The following ANO6 variants were observed in gnomAD, a reference collection of about 807,000 sequenced individuals.
The protein encoded by ANO6 is anoctamin-6.
In ANO6, 106 loss-of-function variants were observed where a neutral mutation model predicts 117.5. That is an observed-to-expected ratio of 0.90 (90% CI 0.77 to 1.06). The LOEUF (loss-of-function observed/expected upper bound fraction) is 1.06. ANO6 is among the 50% of genes least tolerant of loss of function. The pLI, the probability that ANO6 is intolerant of heterozygous loss-of-function variation, is 0.00. For synonymous variants in ANO6, 367 were observed against 385.1 expected (o/e 0.95, Z 0.55); for missense variants, 955 against 1,121.1 (o/e 0.85, Z 2.12).
chr12:45,225,967 T>C (rs896777324), intron 1 of ANO6, among the ~76,000 whole-genome samples: 2 of 152,252 alleles, frequency 1.3e-5, no homozygotes, highest in Non-Finnish European at 1.5e-5. Flanking sequence ...GAAGGAATTT[T>C]ATTCAGCCAA....
chr12:45,280,838 G>A (rs78329901), intron 1 of ANO6, among the ~76,000 whole-genome samples: 2,636 of 151,878 alleles, frequency 0.017, 55 homozygotes, highest in East Asian at 0.085. Context: ...TATACATTGT[G>A]TGCATGTAAA....
intron 3 of ANO6, among the ~76,000 whole-genome samples, chr12:45,345,346 G>T (rs1941100901): frequency 4.6e-5 from 7 of 151,944 alleles, no homozygotes; most frequent in Admixed American, 4.6e-4. Flanking sequence ...CTAGTTTATG[G>T]GATTTTTTTT....
chr12:45,222,180 C>T (rs918305624), intron 1 of ANO6, among the ~76,000 whole-genome samples: 4 of 143,410 alleles, frequency 2.8e-5, no homozygotes, highest in African/African-American at 5.2e-5. Context: ...CACGCCCGGC[C>T]CCCCCACTCC....
At chr12:45,299,389 C>G (rs1048556135) in intron 1 of ANO6, among the ~76,000 whole-genome samples, 5 of 152,226 alleles carry the variant, frequency 3.3e-5, no homozygotes, top group Non-Finnish European at 5.9e-5. Context: ...CTCATCTCAT[C>G]TGTTTTCTGT....
At chr12:45,354,288 C>T (rs1440918336) in intron 7 of ANO6, among the ~76,000 whole-genome samples, 2 of 152,078 alleles carry the variant, frequency 1.3e-5, no homozygotes, top group Non-Finnish European at 2.9e-5. Context: ...TAGCATTGTG[C>T]TTCTCAATGA....
intron 2 of ANO6, among the ~76,000 whole-genome samples, chr12:45,328,682 A>G (rs1448538425): frequency 3.9e-5 from 6 of 152,136 alleles, no homozygotes; most frequent in Admixed American, 2.6e-4. Flanking sequence ...AGAACTTGCT[A>G]TGTACCTGGA....
At chr12:45,263,026 T>A (rs1298524550) in intron 1 of ANO6, among the ~76,000 whole-genome samples, 1 of 152,008 alleles carries the variant, frequency 6.6e-6, no homozygotes, top group Non-Finnish European at 1.5e-5. Flanking sequence ...TAACTTGAGG[T>A]ATAATTTGCA....
chr12:45,278,571 TTC>T (rs1329145300), intron 1 of ANO6, among the ~76,000 whole-genome samples: 1 of 152,230 alleles, frequency 6.6e-6, no homozygotes, highest in African/African-American at 2.4e-5. Context: ...CTTTGACTAT[TTC>T]TCTCTTTCTC....
At chr12:45,255,947 G>A (rs903558667) in intron 1 of ANO6, among the ~76,000 whole-genome samples, 3 of 150,300 alleles carry the variant, frequency 2.0e-5, no homozygotes, top group South Asian at 2.1e-4. Context: ...CCTCCCTCCC[G>A]AGTAGCTGGG....
Position 45,296,675 on chromosome 12 carries a change from C to T in ANO6, c.71-5339C>T, listed in dbSNP as rs1015516166. Among the ~76,000 whole-genome samples the T allele has an allele frequency of 3.3e-5, 5 of 152,260 alleles. No individual in the cohort carries two copies. The East Asian group carries it at 9.7e-4, about 29-fold the overall frequency. ...CATCAGGAGTTCTTTGGATTATTCA[C>T]AGCAGCTCAGGAGACAAATTAATGT... On this transcript the variant is annotated intron_variant, in intron 1 of 19. Coordinates refer to ENST00000320560, the MANE Select transcript of ANO6 (RefSeq NM_001025356.3).
chr12:45,292,862 G>A (rs888150154), intron 1 of ANO6: 12 of 1,548,846 alleles, frequency 7.7e-6, no homozygotes, highest in Non-Finnish European at 1.0e-5. Flanking sequence ...AGGTAGGAGG[G>A]TAAGAAGCGT....
intron 1 of ANO6, among the ~76,000 whole-genome samples, chr12:45,228,482 A>ATAGT (rs942474457): frequency 6.6e-6 from 1 of 151,978 alleles, no homozygotes; most frequent in Non-Finnish European, 1.5e-5. Flanking sequence ...GTGTCATTGT[A>ATAGT]TAGTTGTATG....
intron 1 of ANO6, among the ~76,000 whole-genome samples, chr12:45,216,705 T>C (rs1947319433): frequency 6.6e-6 from 1 of 152,212 alleles, no homozygotes; most frequent in Admixed American, 6.5e-5. Context: ...CAGAAGCAAC[T>C]TTGGGGTCAC....
At chr12:45,261,692 C>CA (rs1204293537) in intron 1 of ANO6, among the ~76,000 whole-genome samples, 4 of 152,188 alleles carry the variant, frequency 2.6e-5, no homozygotes, top group Non-Finnish European at 4.4e-5. Flanking sequence ...TGAGGTGTTG[C>CA]AGACTGGCTC....
At chr12:45,395,980 A>T (rs1942601041) in intron 12 of ANO6, among the ~76,000 whole-genome samples, 3 of 152,198 alleles carry the variant, frequency 2.0e-5, no homozygotes, top group Admixed American at 2.0e-4. Flanking sequence ...TAGTGTTGGA[A>T]GTTCTGGCCA....
chr12:45,405,076 T>C (rs1942896875), intron 15 of ANO6, among the ~76,000 whole-genome samples: 1 of 152,178 alleles, frequency 6.6e-6, no homozygotes, highest in South Asian at 2.1e-4. Context: ...AAAGGGATTC[T>C]GGCTTTAGCT....
At chr12:45,275,003 A>C (rs1938508303) in intron 1 of ANO6, among the ~76,000 whole-genome samples, 1 of 151,730 alleles carries the variant, frequency 6.6e-6, no homozygotes, top group South Asian at 2.1e-4. Flanking sequence ...TAGTATATGT[A>C]CATTTGTTTG....
intron 2 of ANO6, among the ~76,000 whole-genome samples, chr12:45,312,723 T>C (rs1293166861): frequency 6.6e-6 from 1 of 152,050 alleles, no homozygotes; most frequent in Non-Finnish European, 1.5e-5. Flanking sequence ...AAGGAAAAAG[T>C]GTTTACAGCT....
intron 9 of ANO6, among the ~76,000 whole-genome samples, chr12:45,371,878 T>G (rs936901421): frequency 4.2e-4 from 64 of 152,146 alleles, no homozygotes; most frequent in Admixed American, 9.8e-4. Flanking sequence ...TTTGACGAGC[T>G]GAGAGAAGAA....
Sources: allele counts gnomAD v4.1 joint callset (sites outside exome capture counted in the v4.1 genomes callset), GRCh38; gene constraint gnomAD v4.1.1; transcripts MANE v1.5; gene names NCBI Gene and HGNC (gene_info 2026-07-23, HGNC 2026-07-21).